SEMA4B: variants seen among roughly 807,000 people sequenced by gnomAD.
SEMA4B encodes semaphorin-4B.
Under a neutral mutation model 88.1 loss-of-function variants are expected in SEMA4B, and 55 were observed. The ratio of observed to expected loss-of-function variants is 0.62; its 90% CI spans 0.50 to 0.78. The LOEUF (loss-of-function observed/expected upper bound fraction) is 0.78. Among genes scored for constraint, SEMA4B ranks in the 30% least tolerant of loss-of-function variants. The pLI is 0.00. For synonymous variants in SEMA4B, 525 were observed against 473.6 expected (o/e 1.11, Z -1.41); for missense variants, 1,062 against 1,111.9 (o/e 0.96, Z 0.64).
intron 1 of SEMA4B, among the ~76,000 whole-genome samples, chr15:90,210,028 G>A (rs564362004): frequency 6.6e-6 from 1 of 152,352 alleles, no homozygotes; most frequent in African/African-American, 2.4e-5. Flanking sequence ...CTGGTTGGGA[G>A]GCTGCTGTGA....
Position 90,201,333 on chromosome 15 carries a change from T to G in SEMA4B, c.-246T>G. 3 of 1,181,788 alleles carry G rather than the reference T, an allele frequency of 2.5e-6. No homozygotes were observed. Among genetic ancestry groups the G allele is most frequent in the South Asian group, 4.0e-5 (1 of 25,148 alleles). 73.2% of individuals were successfully genotyped at this position (1,181,788 alleles called of 1,614,324 possible). A position where few individuals can be genotyped will look rare whatever the true frequency, so the allele number is the denominator to read the frequency against. On this transcript the variant is annotated 5_prime_UTR_variant, in exon 1 of 14. Transcript: ENST00000411539. ...TCCTTCAGCCCCGCCCTCCGCCGCTTGCGGGTGAGCTCTGCCCAAGCCGAG... is the reference window on the plus strand; with the variant it reads ...TCCTTCAGCCCCGCCCTCCGCCGCTGGCGGGTGAGCTCTGCCCAAGCCGAG...
rs916851941 is a variant in SEMA4B at position 90,223,756 on chromosome 15, C to G, written c.1043+16C>G. 4 of 1,603,140 alleles carry G rather than the reference C, an allele frequency of 2.5e-6. No individual in the cohort carries two copies. The highest frequency in any genetic ancestry group is 3.4e-6 in the Non-Finnish European group (4 of 1,171,654). ...CTTCCCAGTGGTAGGGCCTCCAGAC[C>G]TCGCTGGAGATGGAAGGGTGAAGGG... is the stretch of plus-strand genomic sequence containing the variant. On this transcript the variant is annotated intron_variant, in intron 8 of 13. Transcript: ENST00000411539.
At chr15:90,206,130 G>C (rs1032931773) in intron 1 of SEMA4B, among the ~76,000 whole-genome samples, 6 of 152,320 alleles carry the variant, frequency 3.9e-5, no homozygotes, top group Admixed American at 2.0e-4. Flanking sequence ...GGGGCCTGGA[G>C]AAAAGGCTAG....
chr15:90,207,219 G>A (rs1961036073), intron 1 of SEMA4B, among the ~76,000 whole-genome samples: 1 of 152,174 alleles, frequency 6.6e-6, no homozygotes, highest in South Asian at 2.1e-4. Flanking sequence ...GTGCATGGAA[G>A]CTCTATTCTG....
At position 90,221,036 on chromosome 15, in the gene SEMA4B, G is replaced by C. The variant is rs1449557435; in HGVS notation, c.538G>C (p.Asp180His). The C allele has an allele frequency of 6.2e-7, 1 of 1,611,464 alleles. No individual in the cohort carries two copies. Among genetic ancestry groups the C allele is most frequent in the Non-Finnish European group, 8.5e-7 (1 of 1,178,912 alleles). ...CGAGAAGGGGAATGTCCTCCTGGAA[G>C]ATGGCAAGGGCCGTTGTCCCTTCGA... ...RDEKGNVLLE[D>H]GKGRCPFDPN... is the part of the protein sequence containing the mutation. Residue 180 changes from aspartate (D) to histidine (H), a missense_variant, in exon 5 of 14, where the codon GAT becomes CAT. Coordinates refer to ENST00000411539, the MANE Select transcript of SEMA4B (RefSeq NM_198925.4).
rs372222626 is a variant in SEMA4B at position 90,225,645 on chromosome 15, G to A, written c.1522-16G>A. 58 of 1,558,148 alleles carry A rather than the reference G, an allele frequency of 3.7e-5. No individual in the cohort carries two copies. The highest frequency in any genetic ancestry group is 4.6e-5 in the Non-Finnish European group (53 of 1,152,738). On this transcript the variant is annotated splice_polypyrimidine_tract_variant and intron_variant, in intron 11 of 13. Coordinates refer to ENST00000411539, the MANE Select transcript of SEMA4B (RefSeq NM_198925.4). ...CTGCCCATGCCCGCTTCTCATCCCCGTGTCTGGCTGTGCAGGGGCTGCTGT... is the reference window on the plus strand; with the variant it reads ...CTGCCCATGCCCGCTTCTCATCCCCATGTCTGGCTGTGCAGGGGCTGCTGT...
chr15:90,211,758 C>T (rs559255384), intron 1 of SEMA4B, among the ~76,000 whole-genome samples: 1 of 152,272 alleles, frequency 6.6e-6, no homozygotes, highest in East Asian at 1.9e-4. Context: ...ACTTGTCCCG[C>T]CCAGACCCCT....
rs1596167074 is a variant in SEMA4B at position 90,229,083 on chromosome 15, A to C, written c.*440A>C. 2.8e-6 allele frequency: 1 copy of C among 354,090 alleles called. No homozygotes were observed. Among genetic ancestry groups the C allele is most frequent in the Non-Finnish European group, 5.6e-6 (1 of 179,716 alleles). The allele number at this position is 354,090 out of a possible 1,614,324, so 21.9% of individuals were successfully genotyped here. A position where few individuals can be genotyped will look rare whatever the true frequency, so the allele number is the denominator to read the frequency against. ...GAAACCCTCACCAACTGGCCTCTTCACCTTCCACATTATCCCGCTGCCACC... is the reference window on the plus strand; with the variant it reads ...GAAACCCTCACCAACTGGCCTCTTCCCCTTCCACATTATCCCGCTGCCACC... On this transcript the variant is annotated 3_prime_UTR_variant, in exon 14 of 14. Transcript: ENST00000411539.
intron 3 of SEMA4B, 135 bp from the exon 4 acceptor site, chr15:90,219,658 G>C (rs1190226619): frequency 6.2e-6 from 4 of 641,388 alleles, no homozygotes; most frequent in Non-Finnish European, 1.1e-5. Context: ...TGGGTTCTTT[G>C]TTCCTAGACT....
intron 1 of SEMA4B, among the ~76,000 whole-genome samples, chr15:90,188,500 T>C (rs1014351334): frequency 3.9e-5 from 6 of 151,952 alleles, no homozygotes; most frequent in South Asian, 4.2e-4. Flanking sequence ...TGGTGGCGCA[T>C]GCCTGTAATC....
At chr15:90,191,036 A>C (rs749328918) in intron 1 of SEMA4B, among the ~76,000 whole-genome samples, 2 of 152,232 alleles carry the variant, frequency 1.3e-5, no homozygotes, top group Non-Finnish European at 2.9e-5. Context: ...AGAGGCAGAC[A>C]GCGCCTCCTG....
rs1961317079 is a variant in SEMA4B at position 90,212,472 on chromosome 15, C to A, written c.158-4967C>A. Among the ~76,000 whole-genome samples the A allele has an allele frequency of 6.6e-6, 1 of 152,108 alleles. No individual in the cohort carries two copies. The highest frequency in any genetic ancestry group is 1.5e-5 in the Non-Finnish European group (1 of 67,994). On this transcript the variant is annotated intron_variant, in intron 1 of 13. Coordinates refer to ENST00000411539, the MANE Select transcript of SEMA4B (RefSeq NM_198925.4). This position sits in a 1 kb window ranked among gnomAD's most constrained non-coding sequence, Gnocchi z 4.0. ...GGATGTCCGAGCAGCACAGGCAGCC[C>A]AGGAGAGCGAGCGAGACACTCTTTG...
At chr15:90,211,220 G>A (rs117864249) in intron 1 of SEMA4B, among the ~76,000 whole-genome samples, 56 of 152,314 alleles carry the variant, frequency 3.7e-4, no homozygotes, top group Admixed American at 2.7e-3. Context: ...CTAAGGTGAC[G>A]GCAGTGGTCT....
chr15:90,195,954 T>A (rs1960489970), intron 1 of SEMA4B, among the ~76,000 whole-genome samples: 1 of 98,902 alleles, frequency 1.0e-5, no homozygotes, highest in African/African-American at 5.0e-5. Flanking sequence ...GGAGTCTCGC[T>A]CTGTCACCAG....
intron 1 of SEMA4B, among the ~76,000 whole-genome samples, chr15:90,193,719 T>C (rs1960414099): frequency 6.6e-6 from 1 of 152,052 alleles, no homozygotes; most frequent in South Asian, 2.1e-4. Flanking sequence ...CAACAAATAG[T>C]GATTGAGCAT....
intron 1 of SEMA4B, among the ~76,000 whole-genome samples, chr15:90,192,458 T>A (rs1960371323): frequency 1.3e-5 from 2 of 152,236 alleles, no homozygotes; most frequent in Non-Finnish European, 2.9e-5. Context: ...AGATGTAGCC[T>A]GGACACTGCT....
chr15:90,206,178 T>TTA (rs982223690), intron 1 of SEMA4B, among the ~76,000 whole-genome samples: 19 of 152,146 alleles, frequency 1.2e-4, no homozygotes, highest in African/African-American at 4.6e-4. Flanking sequence ...TCCTTTATCT[T>TTA]CTTAGAGCCT....
chr15:90,188,739 C>T (rs1300909233), intron 1 of SEMA4B, among the ~76,000 whole-genome samples: 1 of 152,124 alleles, frequency 6.6e-6, no homozygotes, highest in Non-Finnish European at 1.5e-5. Context: ...GCTATCTCGG[C>T]TCACTGCAAG....
At chr15:90,192,026 G>C (rs1035273335) in intron 1 of SEMA4B, 5 of 152,790 alleles carry the variant, frequency 3.3e-5, no homozygotes, top group African/African-American at 4.8e-5. Context: ...TGCAGCTGCA[G>C]GTTGGCATAA....
Sources: gnomAD v4.1 joint callset for allele counts (sites outside exome capture counted in the v4.1 genomes callset) on GRCh38, gnomAD v4.1.1 for gene constraint, Gnocchi (gnomAD v3.1) non-coding constraint, MANE v1.5 for transcripts, NCBI Gene and HGNC (gene_info 2026-07-23, HGNC 2026-07-21) for gene names.